Variants in DGCR2 observed in about 807,000 individuals in gnomAD.
DGCR2 encodes DiGeorge syndrome critical region gene 2.
A neutral mutation model predicts 51.6 loss-of-function variants in DGCR2; 24 were observed. The ratio of observed to expected loss-of-function variants is 0.47; its 90% CI spans 0.34 to 0.65. The LOEUF (loss-of-function observed/expected upper bound fraction) is 0.65, where lower values mean the gene tolerates loss of function less well. Ranked by LOEUF, DGCR2 falls within the 30% of genes least tolerant of loss-of-function variation. The pLI, the probability that DGCR2 is intolerant of heterozygous loss-of-function variation, is 0.01. For synonymous variants in DGCR2, 340 were observed against 315.4 expected, an observed-to-expected ratio of 1.08 and a Z score of -0.82; for missense variants, 765 against 772.1, an observed-to-expected ratio of 0.99 and a Z score of 0.11.
In DGCR2 at chr22:19,112,671, A is replaced by C. The variant is rs1401425893; in HGVS notation, c.79+9457T>G. Reference sequence around the variant, plus strand: ...GGCTGGTTTAGAACTTCTGGGCTCAAGCAATCCACCCACCTCAGCCTCCCA... The same window carrying C: ...GGCTGGTTTAGAACTTCTGGGCTCACGCAATCCACCCACCTCAGCCTCCCA... On this transcript the variant is annotated intron_variant, in intron 1 of 9. Coordinates refer to ENST00000263196, the MANE Select transcript of DGCR2 (RefSeq NM_005137.3). Among the ~76,000 whole-genome samples the C allele has an allele frequency of 2.1e-5, 3 of 143,692 alleles. 1 individual carries two copies. The highest frequency in any genetic ancestry group is 2.6e-5 in the African/African-American group (1 of 39,100). The allele number at this position is 143,692 out of a possible 152,430, so 94.3% of individuals were successfully genotyped here. A position where few individuals can be genotyped will look rare whatever the true frequency, so the allele number is the denominator to read the frequency against.
At chr22:19,048,377 G>A in intron 7 of DGCR2, 63 bp downstream of exon 7, 3 of 1,580,272 alleles carry the variant, frequency 1.9e-6, no homozygotes, top group Non-Finnish European at 2.6e-6. Context: ...GGAAGCAAAG[G>A]GACGCCCAGC....
In DGCR2 at chr22:19,112,662, C is replaced by G. The variant is rs575778172; in HGVS notation, c.79+9466G>C. Among the ~76,000 whole-genome samples the G allele has an allele frequency of 1.4e-5, 2 of 143,790 alleles. 1 individual carries two copies. The highest frequency in any genetic ancestry group is 4.9e-4 in the South Asian group (2 of 4,112). The allele number at this position is 143,790 out of a possible 152,430, so 94.3% of individuals were successfully genotyped here. On this transcript the variant is annotated intron_variant, in intron 1 of 9. Transcript: ENST00000263196. Reference sequence around the variant, plus strand: ...TATTGCCCAGGCTGGTTTAGAACTTCTGGGCTCAAGCAATCCACCCACCTC... The same window carrying G: ...TATTGCCCAGGCTGGTTTAGAACTTGTGGGCTCAAGCAATCCACCCACCTC...
intron 1 of DGCR2, among the ~76,000 whole-genome samples, chr22:19,110,862 C>T (rs1230683841): frequency 6.6e-6 from 1 of 152,138 alleles, no homozygotes; most frequent in East Asian, 1.9e-4. Flanking sequence ...AAACCTACTT[C>T]CTATAAAAAG....
rs555189297 is a variant in DGCR2 at position 19,096,891 on chromosome 22, A to C, written c.80-7401T>G. Among the ~76,000 whole-genome samples the C allele has an allele frequency of 3.4e-3, 469 of 138,040 alleles. 4 individuals are homozygous for C. The highest frequency in any genetic ancestry group is 5.1e-3 in the Non-Finnish European group (343 of 67,554). 90.6% of individuals were successfully genotyped at this position (138,040 alleles called of 152,430 possible). ...ACAGTGTCCATTCTATTAAAAAAAA[A>C]AACAAAAAAAAAAAACACCCTATGG... On this transcript the variant is annotated intron_variant, in intron 1 of 9. Coordinates refer to ENST00000263196, the MANE Select transcript of DGCR2 (RefSeq NM_005137.3).
chr22:19,068,251 G>T, intron 2 of DGCR2, 26 bp from the exon 3 acceptor site: 1 of 1,568,954 alleles, frequency 6.4e-7, no homozygotes. Context: ...GATGTGTGCT[G>T]TGAGTCCTGC....
intron 6 of DGCR2, among the ~76,000 whole-genome samples, chr22:19,055,613 C>G (rs2082592401): frequency 6.6e-6 from 1 of 152,084 alleles, no homozygotes; most frequent in South Asian, 2.1e-4. Flanking sequence ...AGAAAATCAA[C>G]AAAATCCACA....
intron 2 of DGCR2, among the ~76,000 whole-genome samples, chr22:19,068,825 G>A (rs1341381323): frequency 1.3e-5 from 2 of 152,258 alleles, no homozygotes; most frequent in East Asian, 3.8e-4. Flanking sequence ...TCAGTGCATG[G>A]CTAGAAGGTG....
intron 2 of DGCR2, among the ~76,000 whole-genome samples, chr22:19,087,768 T>A (rs1206640402): frequency 6.7e-6 from 1 of 148,718 alleles, no homozygotes; most frequent in Non-Finnish European, 1.5e-5. Context: ...CACTGCAATC[T>A]CCTCCTCCCA....
At chr22:19,118,003 T>C (rs2083391387) in intron 1 of DGCR2, among the ~76,000 whole-genome samples, 1 of 152,140 alleles carries the variant, frequency 6.6e-6, no homozygotes, top group African/African-American at 2.4e-5. Flanking sequence ...CCTCGGTCAC[T>C]TTTCCTTGTG....
At chr22:19,059,623 C>T (rs1370477527) in intron 5 of DGCR2, among the ~76,000 whole-genome samples, 1 of 152,112 alleles carries the variant, frequency 6.6e-6, no homozygotes, top group Non-Finnish European at 1.5e-5. Context: ...CCTGCCACCC[C>T]AGCAGATCCA....
intron 7 of DGCR2, chr22:19,047,320 T>C (rs5993479): frequency 0.13 from 20,092 of 152,184 alleles, 2,185 homozygotes; most frequent in African/African-American, 0.3. Context: ...CCCCCCAGTG[T>C]GGAGGGACAC....
rs575378533 is a variant in DGCR2 at position 19,115,186 on chromosome 22, G to A, written c.79+6942C>T. ...GCACTGTGCAAACAACCCAGGGAAG[G>A]TCCAGCCACATCCTCACACAGGGCA... is the stretch of plus-strand genomic sequence containing the variant. On this transcript the variant is annotated intron_variant, in intron 1 of 9. Transcript: ENST00000263196. Among the ~76,000 whole-genome samples, 243 of 152,308 alleles carry A rather than the reference G, an allele frequency of 1.6e-3. 3 individuals carry two copies. Among genetic ancestry groups the A allele is most frequent in the African/African-American group, 5.7e-3 (235 of 41,564 alleles).
At chr22:19,039,300 CAT>C (rs111983977) in intron 9 of DGCR2, among the ~76,000 whole-genome samples, 179 bp from the exon 10 acceptor site, 2,250 of 152,302 alleles carry the variant, frequency 0.015, 27 homozygotes, top group African/African-American at 0.017. Context: ...GCCTGCCCCA[CAT>C]GACACCTGTT....
At chr22:19,041,730 C>A in intron 8 of DGCR2, 77 bp downstream of exon 8, 1 of 1,510,788 alleles carries the variant, frequency 6.6e-7, no homozygotes, top group Admixed American at 1.8e-5. Flanking sequence ...CTGTCCAGGG[C>A]TGGGGAGCTC....
At chr22:19,046,825 A>G in intron 7 of DGCR2, 1 of 369,850 alleles carries the variant, frequency 2.7e-6, no homozygotes, top group Non-Finnish European at 5.7e-6. Flanking sequence ...CTGCTCTGCT[A>G]AGAAGTCCTT....
intron 5 of DGCR2, among the ~76,000 whole-genome samples, chr22:19,059,275 C>T (rs73157297): frequency 0.03 from 4,516 of 152,136 alleles, 92 homozygotes; most frequent in Non-Finnish European, 0.047. Flanking sequence ...ACAGAGGCCA[C>T]GAGCACAATC....
chr22:19,049,428 CAA>C (rs564352756), intron 6 of DGCR2, among the ~76,000 whole-genome samples: 17 of 152,110 alleles, frequency 1.1e-4, no homozygotes, highest in African/African-American at 2.2e-4. Flanking sequence ...CAGTGAAAGG[CAA>C]AGAGACATGA....
At chr22:19,071,413 CAAT>C (rs1175323076) in intron 2 of DGCR2, among the ~76,000 whole-genome samples, 3 of 152,046 alleles carry the variant, frequency 2.0e-5, no homozygotes, top group African/African-American at 7.2e-5. Context: ...TTAACATCAC[CAAT>C]AATGAGACAA....
chr22:19,099,564 A>C (rs2083178766), intron 1 of DGCR2, among the ~76,000 whole-genome samples: 1 of 152,104 alleles, frequency 6.6e-6, no homozygotes, highest in African/African-American at 2.4e-5. Flanking sequence ...ACCTGTCTCA[A>C]AAAAACAAAA....
Sources: allele counts gnomAD v4.1 joint callset (sites outside exome capture counted in the v4.1 genomes callset), GRCh38; gene constraint gnomAD v4.1.1; transcripts MANE v1.5; gene names NCBI Gene and HGNC (gene_info 2026-07-23, HGNC 2026-07-21).